Variants in PLEKHA2 observed in about 807,000 individuals in gnomAD.
The protein encoded by PLEKHA2 is pleckstrin homology domain containing A2.
A neutral mutation model predicts 53.2 loss-of-function variants in PLEKHA2; 28 were observed. The observed-to-expected ratio is 0.53, with a 90% CI of 0.39 to 0.72. The LOEUF is 0.72. Ranked by LOEUF, PLEKHA2 falls within the 30% of genes least tolerant of loss-of-function variation. The probability of loss-of-function intolerance (pLI) is 0.00; values close to 1 mark genes in which losing one functional copy is unlikely to be tolerated. For missense variants in PLEKHA2, 426 were observed against 537.9 expected, an observed-to-expected ratio of 0.79 and a Z score of 2.06; for synonymous variants, 193 against 196.4, an observed-to-expected ratio of 0.98 and a Z score of 0.14.
rs535780620 is a variant in PLEKHA2 at position 38,973,558 on chromosome 8, A to G, written c.*3775A>G. ...AACTTTCAAAATGTCGGAAGTGGAC[A>G]GGTTTGTTAAATCTTGTCTGCCAGC... On this transcript the variant is annotated 3_prime_UTR_variant, in exon 12 of 12. Coordinates refer to ENST00000617275, the MANE Select transcript of PLEKHA2 (RefSeq NM_021623.2). 1 of 151,408 alleles carries G rather than the reference A, an allele frequency of 6.6e-6. No individual in the cohort carries two copies. The highest frequency in any genetic ancestry group is 6.6e-5 in the Admixed American group (1 of 15,118). The allele number at this position is 151,408 out of a possible 1,614,324, so 9.4% of individuals were successfully genotyped here.
chr8:38,941,287 C>T (rs1251701419), intron 3 of PLEKHA2, among the ~76,000 whole-genome samples: 1 of 152,168 alleles, frequency 6.6e-6, no homozygotes, highest in Admixed American at 6.5e-5. Flanking sequence ...AACTCCTTAC[C>T]TCAAGTGATC....
At chr8:38,911,043 G>T (rs2152364685) in intron 1 of PLEKHA2, among the ~76,000 whole-genome samples, 1 of 152,274 alleles carries the variant, frequency 6.6e-6, no homozygotes, top group East Asian at 1.9e-4. Context: ...ACACGAGGGA[G>T]GTTTGGCTAG....
chr8:38,920,069 T>G (rs529218352), intron 2 of PLEKHA2, among the ~76,000 whole-genome samples: 1 of 152,266 alleles, frequency 6.6e-6, no homozygotes, highest in South Asian at 2.1e-4. Context: ...CCTCCTGGAT[T>G]TAAGTGATTC....
chr8:38,952,641 G>A lies in PLEKHA2; in HGVS notation c.639G>A (p.Lys213=), dbSNP rs763912195. The change falls in exon 8 of 12, where the codon AAG becomes AAA. Residue 213 remains lysine (K), a synonymous_variant. Coordinates refer to ENST00000617275, the MANE Select transcript of PLEKHA2 (RefSeq NM_021623.2). Reference sequence around the variant, plus strand: ...CTTTTATTTTTTTATTACAGCGGAAGAGCTGGAAACGTCGCTTCTTTGCAC... The same window carrying A: ...CTTTTATTTTTTTATTACAGCGGAAAAGCTGGAAACGTCGCTTCTTTGCAC... ...GYCVKQGNVR[K]SWKRRFFALD... 4 of 1,608,600 alleles carry A rather than the reference G, an allele frequency of 2.5e-6. No homozygotes were observed. The highest frequency in any genetic ancestry group is 2.2e-5 in the South Asian group (2 of 91,070).
Position 38,941,468 on chromosome 8 carries a change from A to G in PLEKHA2, c.199-2321A>G, listed in dbSNP as rs1381826885. ...TTAAATACTTGTCAGGGAGGTTGAT[A>G]TAATGTTATGTAGGCATTCAATTAA... On this transcript the variant is annotated intron_variant, in intron 3 of 11. Transcript: ENST00000617275. 2.0e-5 allele frequency among the ~76,000 whole-genome samples: 3 copies of G among 152,240 alleles called. No individual in the cohort carries two copies. In the East Asian group the frequency reaches 5.8e-4, roughly 29 times the overall value.
At chr8:38,955,771 A>G (rs184473884) in intron 9 of PLEKHA2, among the ~76,000 whole-genome samples, 2 of 152,210 alleles carry the variant, frequency 1.3e-5, no homozygotes, top group South Asian at 2.1e-4. Flanking sequence ...AACTCTTGGC[A>G]TATAACACAC....
At chr8:38,904,081 T>C (rs1475749739) in intron 1 of PLEKHA2, among the ~76,000 whole-genome samples, 1 of 151,976 alleles carries the variant, frequency 6.6e-6, no homozygotes, top group East Asian at 1.9e-4. Context: ...ATTATTGAGA[T>C]GGGGTATTGG....
At chr8:38,934,139 G>C (rs1322883403) in intron 2 of PLEKHA2, among the ~76,000 whole-genome samples, 1 of 151,572 alleles carries the variant, frequency 6.6e-6, no homozygotes, top group African/African-American at 2.4e-5. Context: ...AGAAGAGGTA[G>C]AAGAAGAAGA....
intron 3 of PLEKHA2, among the ~76,000 whole-genome samples, chr8:38,936,792 G>A (rs934985611): frequency 3.3e-5 from 5 of 152,262 alleles, no homozygotes; most frequent in Admixed American, 6.5e-5. Flanking sequence ...TAAAAAGGCC[G>A]GGAGATTTAG....
At chr8:38,932,405 A>G (rs1269774498) in intron 2 of PLEKHA2, among the ~76,000 whole-genome samples, 3 of 152,104 alleles carry the variant, frequency 2.0e-5, no homozygotes, top group Admixed American at 6.6e-5. Flanking sequence ...GGCAGGCTGG[A>G]GTCGGTTCAG....
chr8:38,947,310 C>T (rs971923027), intron 5 of PLEKHA2, among the ~76,000 whole-genome samples: 5 of 151,980 alleles, frequency 3.3e-5, no homozygotes, highest in East Asian at 1.9e-4. Context: ...ATTAGCTGGG[C>T]GTGGTGGCAC....
intron 6 of PLEKHA2, 46 bp downstream of exon 6, chr8:38,951,036 T>C (rs1321842960): frequency 4.1e-6 from 6 of 1,473,966 alleles, no homozygotes; most frequent in Non-Finnish European, 5.4e-6. Context: ...GGTGTGGAAG[T>C]GTCCATGGTG....
intron 3 of PLEKHA2, among the ~76,000 whole-genome samples, chr8:38,942,910 GC>G (rs1467127622): frequency 1.3e-5 from 2 of 152,184 alleles, no homozygotes; most frequent in African/African-American, 4.8e-5. Flanking sequence ...GATTCCATCA[GC>G]CCCTCTCTGG....
intron 1 of PLEKHA2, among the ~76,000 whole-genome samples, chr8:38,914,858 A>C: frequency 6.6e-6 from 1 of 152,204 alleles, no homozygotes; most frequent in Non-Finnish European, 1.5e-5. Flanking sequence ...CTCATCCCAC[A>C]TTACCAGAGA....
chr8:38,908,951 T>A (rs2152364227), intron 1 of PLEKHA2, among the ~76,000 whole-genome samples: 1 of 152,318 alleles, frequency 6.6e-6, no homozygotes, highest in East Asian at 1.9e-4. Context: ...GAGACCATCC[T>A]GGCCAACATG....
chr8:38,902,131 TTC>T (rs1833796881), intron 1 of PLEKHA2: 1 of 149,834 alleles, frequency 6.7e-6, no homozygotes, highest in Admixed American at 6.8e-5. Flanking sequence ...CACCAACTTC[TTC>T]CTCACCTTAC....
chr8:38,908,429 A>G (rs1426684749), intron 1 of PLEKHA2, among the ~76,000 whole-genome samples: 2 of 152,242 alleles, frequency 1.3e-5, no homozygotes, highest in Non-Finnish European at 2.9e-5. Context: ...GCTATAATTT[A>G]GGGAAGGCCT....
chr8:38,958,771 G>T (rs927670628), intron 10 of PLEKHA2, among the ~76,000 whole-genome samples: 1 of 152,186 alleles, frequency 6.6e-6, no homozygotes, highest in Admixed American at 6.5e-5. Flanking sequence ...ACAGATATTT[G>T]TAGAGTATCC....
intron 2 of PLEKHA2, among the ~76,000 whole-genome samples, chr8:38,919,578 T>C (rs1834142045): frequency 6.6e-6 from 1 of 152,204 alleles, no homozygotes; most frequent in African/African-American, 2.4e-5. Flanking sequence ...GATGGAGTTA[T>C]GCTTTAAGAT....
Sources: allele counts gnomAD v4.1 joint callset (sites outside exome capture counted in the v4.1 genomes callset), GRCh38; gene constraint gnomAD v4.1.1; transcripts MANE v1.5; gene names NCBI Gene and HGNC (gene_info 2026-07-23, HGNC 2026-07-21).